The following MCTP1 variants were observed in gnomAD, a reference collection of about 807,000 sequenced individuals.
The protein encoded by MCTP1 is multiple C2 and transmembrane domain-containing protein 1.
Under a neutral mutation model 120.6 loss-of-function variants are expected in MCTP1, and 69 were observed. That is an observed-to-expected ratio of 0.57 (90% CI 0.47 to 0.70). MCTP1 has a LOEUF of 0.70. Among genes scored for constraint, MCTP1 ranks in the 30% least tolerant of loss-of-function variants. The probability of loss-of-function intolerance (pLI) is 0.00; values close to 1 mark genes in which losing one functional copy is unlikely to be tolerated. For synonymous variants in MCTP1, 529 were observed against 493.1 expected, an observed-to-expected ratio of 1.07 and a Z score of -0.96; for missense variants, 1,203 against 1,248.8, an observed-to-expected ratio of 0.96 and a Z score of 0.55.
intron 17 of MCTP1, among the ~76,000 whole-genome samples, chr5:94,818,357 C>A (rs926010028): frequency 1.8e-4 from 28 of 152,188 alleles, no homozygotes; most frequent in Non-Finnish European, 3.4e-4. Flanking sequence ...ATCCATCACA[C>A]CTGGCCCCCA....
chr5:94,795,371 A>G (rs1779792908), intron 18 of MCTP1, among the ~76,000 whole-genome samples: 1 of 152,198 alleles, frequency 6.6e-6, no homozygotes, highest in African/African-American at 2.4e-5. Flanking sequence ...GTGAATATAA[A>G]GTACTTCACA....
At chr5:94,917,318 T>C (rs911506131) in intron 8 of MCTP1, among the ~76,000 whole-genome samples, 2 of 152,090 alleles carry the variant, frequency 1.3e-5, no homozygotes, top group Admixed American at 6.5e-5. Context: ...AGAACTCTTC[T>C]TGAGGAGGAC....
At chr5:95,252,793 T>C (rs1180848412) in intron 1 of MCTP1, among the ~76,000 whole-genome samples, 2 of 152,126 alleles carry the variant, frequency 1.3e-5, no homozygotes, top group African/African-American at 2.4e-5. Context: ...TTAATTCTCA[T>C]TTTTTCTGTC....
intron 1 of MCTP1, among the ~76,000 whole-genome samples, chr5:95,239,275 C>T (rs756638855): frequency 8.5e-5 from 13 of 152,100 alleles, no homozygotes; most frequent in Non-Finnish European, 1.6e-4. Context: ...TTTTCAAGTT[C>T]CTAAACTTTC....
intron 17 of MCTP1, among the ~76,000 whole-genome samples, chr5:94,854,324 C>A (rs1437999270): frequency 2.6e-5 from 4 of 151,710 alleles, no homozygotes; most frequent in Admixed American, 2.0e-4. Flanking sequence ...AGGTGGGGAT[C>A]ATGAATGTTC....
At chr5:95,060,986 C>A (rs147868819) in intron 1 of MCTP1, among the ~76,000 whole-genome samples, 1 of 145,524 alleles carries the variant, frequency 6.9e-6, no homozygotes, top group Admixed American at 7.0e-5. Flanking sequence ...AATGAAGAAT[C>A]TGTCCTCAAA....
intron 1 of MCTP1, among the ~76,000 whole-genome samples, chr5:95,236,596 G>A (rs954437064): frequency 1.3e-5 from 2 of 152,074 alleles, no homozygotes; most frequent in South Asian, 2.1e-4. Flanking sequence ...TGCTGATTAC[G>A]GTATAAAAAG....
intron 1 of MCTP1, among the ~76,000 whole-genome samples, chr5:95,137,748 A>G (rs1759553569): frequency 6.6e-6 from 1 of 152,184 alleles, no homozygotes; most frequent in Non-Finnish European, 1.5e-5. Context: ...AGCTGCTTCA[A>G]ATATTTGTGG....
At chr5:95,211,081 G>A (rs569768334) in intron 1 of MCTP1, among the ~76,000 whole-genome samples, 21 of 152,076 alleles carry the variant, frequency 1.4e-4, no homozygotes, top group African/African-American at 4.8e-4. Flanking sequence ...TGGGTAACCC[G>A]ACCTTTCTCT....
chr5:94,853,699 T>G (rs544064147), intron 17 of MCTP1, among the ~76,000 whole-genome samples: 83 of 152,048 alleles, frequency 5.5e-4, no homozygotes, highest in Middle Eastern at 3.4e-3. Context: ...TGGTGTTATC[T>G]GAGGGCTACT....
chr5:94,771,883 G>A (rs531160795), intron 19 of MCTP1, among the ~76,000 whole-genome samples: 1 of 152,252 alleles, frequency 6.6e-6, no homozygotes, highest in Non-Finnish European at 1.5e-5. Context: ...GTCTCACTGG[G>A]CTAAAAATGA....
chr5:94,795,278 G>T (rs1179413961), intron 18 of MCTP1, among the ~76,000 whole-genome samples: 1 of 152,118 alleles, frequency 6.6e-6, no homozygotes, highest in Non-Finnish European at 1.5e-5. Flanking sequence ...ATGGCGGCAG[G>T]TCACTCGACT....
At chr5:94,830,049 G>T (rs1423625429) in intron 17 of MCTP1, among the ~76,000 whole-genome samples, 1 of 152,204 alleles carries the variant, frequency 6.6e-6, no homozygotes, top group Non-Finnish European at 1.5e-5. Flanking sequence ...CAGCATTCGG[G>T]ATGTTTCATG....
chr5:95,213,773 C>T (rs1418940140), intron 1 of MCTP1, among the ~76,000 whole-genome samples: 1 of 152,246 alleles, frequency 6.6e-6, no homozygotes, highest in Non-Finnish European at 1.5e-5. Context: ...AAAGGATTCC[C>T]TATTTAATAA....
At chr5:94,937,426 A>G (rs539496429) in intron 5 of MCTP1, among the ~76,000 whole-genome samples, 40 of 152,162 alleles carry the variant, frequency 2.6e-4, no homozygotes, top group African/African-American at 9.6e-4. Context: ...GATACGATGA[A>G]GAGAAAGGAA....
At chr5:95,000,063 T>G (rs774041033) in intron 2 of MCTP1, among the ~76,000 whole-genome samples, 2 of 152,226 alleles carry the variant, frequency 1.3e-5, no homozygotes, top group Non-Finnish European at 2.9e-5. Context: ...TGGTCACCGA[T>G]GGACTGCATA....
At chr5:95,159,937 A>C (rs1745535880) in intron 1 of MCTP1, among the ~76,000 whole-genome samples, 1 of 152,116 alleles carries the variant, frequency 6.6e-6, no homozygotes, top group Admixed American at 6.6e-5. Context: ...CAAAAGAGTC[A>C]ACACACCTGG....
chr5:95,237,745 A>G (rs1180502194), intron 1 of MCTP1, among the ~76,000 whole-genome samples: 1 of 152,068 alleles, frequency 6.6e-6, no homozygotes, highest in African/African-American at 2.4e-5. Flanking sequence ...TCGAAAATTC[A>G]TTTTCGTGAT....
chr5:94,725,321 T>G (rs902212997), intron 19 of MCTP1, among the ~76,000 whole-genome samples: 48 of 152,314 alleles, frequency 3.2e-4, no homozygotes, highest in African/African-American at 1.1e-3. Context: ...GAAAGCTTAT[T>G]TGAGAATAGT....
Sources: gnomAD v4.1 joint callset for allele counts (sites outside exome capture counted in the v4.1 genomes callset) on GRCh38, gnomAD v4.1.1 for gene constraint, MANE v1.5 for transcripts, NCBI Gene and HGNC (gene_info 2026-07-23, HGNC 2026-07-21) for gene names.